The following STK36 variants were observed in gnomAD, a reference collection of about 807,000 sequenced individuals.
The protein encoded by STK36 is serine/threonine-protein kinase 36.
Under a neutral mutation model 142.2 loss-of-function variants are expected in STK36, and 116 were observed. That is an observed-to-expected ratio of 0.82 (90% confidence interval 0.70 to 0.95). The LOEUF is 0.95. Among genes scored for constraint, STK36 ranks in the 40% least tolerant of loss-of-function variants. The pLI, the probability that STK36 is intolerant of heterozygous loss-of-function variation, is 0.00. For missense variants in STK36, 1,422 were observed against 1,617.2 expected (o/e 0.88, Z 2.07); for synonymous variants, 619 against 641.7 (o/e 0.96, Z 0.53).
At position 218,676,186 on chromosome 2, in the gene STK36, C is replaced by A. The variant is rs375511099; in HGVS notation, c.592C>A (p.Pro198Thr). 2.5e-5 allele frequency: 40 copies of A among 1,614,004 alleles called. No individual in the cohort carries two copies. The highest frequency in any genetic ancestry group is 3.1e-5 in the Non-Finnish European group (36 of 1,180,038). Residue 198 changes from proline (P) to threonine (T), a missense_variant, in exon 6 of 27, where the codon CCT (proline) becomes ACT (threonine). Coordinates refer to ENST00000295709, the MANE Select transcript of STK36 (RefSeq NM_015690.5). ...ACTATATGAACTGGCAGTAGGCACC[C>A]CTCCCTTCTATGCTACAAGCATCTT... The part of the protein sequence containing the change: ...CILYELAVGT[P>T]PFYATSIFQL...
chr2:218,701,734 A>G lies in STK36; in HGVS notation c.3805-132A>G, dbSNP rs1941447082. 9.4e-6 allele frequency: 10 copies of G among 1,067,872 alleles called. No individual in the cohort carries two copies. The Admixed American group carries it at 2.6e-4, about 28-fold the overall frequency. The allele number at this position is 1,067,872 out of a possible 1,614,324, so 66.1% of individuals were successfully genotyped here. On this transcript the variant is annotated intron_variant, in intron 26 of 26. Coordinates refer to ENST00000295709, the MANE Select transcript of STK36 (RefSeq NM_015690.5). Reference sequence around the variant, plus strand: ...CCATTCAGTCTATTCCAAGTCCCCAAGAGCCCATTTCCTTTTTCTTCCTCT... The same window carrying G: ...CCATTCAGTCTATTCCAAGTCCCCAGGAGCCCATTTCCTTTTTCTTCCTCT...
rs774871480 is a variant in STK36 at position 218,698,633 on chromosome 2, T to C, written c.3089T>C (p.Val1030Ala). ...TGCTACCATCTTCCGTTGATGCAAG[T>C]GGAGCTGCCCATCAGCCTTCTCACA... ...VCCYHLPLMQVELPISLLTRL... is the reference protein window; with the variant it reads ...VCCYHLPLMQAELPISLLTRL... The change falls in exon 26 of 27, where the codon GTG becomes GCG. Residue 1030 changes from valine to alanine, a missense_variant. Around this residue, in one of 2 missense-constraint regions of STK36, gnomAD observed 962 missense variants for 1,167.5 expected, o/e 0.82. Coordinates refer to ENST00000295709, the MANE Select transcript of STK36 (RefSeq NM_015690.5). 20 of 1,614,114 alleles carry C rather than the reference T, an allele frequency of 1.2e-5. No homozygotes were observed. Among genetic ancestry groups the C allele is most frequent in the Admixed American group, 1.7e-5 (1 of 60,024 alleles).
intron 6 of STK36, 27 bp from the exon 7 acceptor site, chr2:218,679,141 C>A: frequency 6.2e-7 from 1 of 1,605,288 alleles, no homozygotes; most frequent in Non-Finnish European, 8.5e-7. Context: ...GAAAGAATGA[C>A]TGATGGAATA....
chr2:218,700,254 A>G (rs1333342592), intron 26 of STK36, among the ~76,000 whole-genome samples: 1 of 151,988 alleles, frequency 6.6e-6, no homozygotes, highest in African/African-American at 2.4e-5. Flanking sequence ...CCCAGGCCAG[A>G]ATACAGTGGC....
chr2:218,675,203 CTAAG>C, intron 4 of STK36, 136 bp from the exon 5 acceptor site: 1 of 902,994 alleles, frequency 1.1e-6, no homozygotes, highest in East Asian at 2.7e-5. Context: ...GGAACAATAA[CTAAG>C]AAAGAATAGT....
chr2:218,675,241 G>A, intron 4 of STK36, 102 bp from the exon 5 acceptor site: 1 of 1,278,774 alleles, frequency 7.8e-7, no homozygotes, highest in Non-Finnish European at 1.1e-6. Context: ...AGAAAGGGAA[G>A]GAAGAAAAGA....
chr2:218,685,567 A>G (rs1486068398), intron 11 of STK36, among the ~76,000 whole-genome samples: 2 of 152,228 alleles, frequency 1.3e-5, no homozygotes, highest in Admixed American at 1.3e-4. Context: ...TTTATTGATG[A>G]AATTAAAAAT....
Position 218,697,228 on chromosome 2 carries a change from G to A in STK36, c.2761+15G>A, listed in dbSNP as rs749712713. ...TTCTCCCCAGGGTATCTTTCTATCA[G>A]TATCCTTTTTGGGAGTGCATTGATC... On this transcript the variant is annotated intron_variant, in intron 23 of 26. Transcript: ENST00000295709. The A allele has an allele frequency of 9.3e-6, 15 of 1,606,666 alleles. No individual in the cohort carries two copies. Among genetic ancestry groups the A allele is most frequent in the Non-Finnish European group, 1.7e-6 (2 of 1,177,012 alleles).
chr2:218,688,658 A>T (rs1432978254), intron 11 of STK36, 39 bp from the exon 12 acceptor site: 1 of 1,593,464 alleles, frequency 6.3e-7, no homozygotes, highest in African/African-American at 1.4e-5. Context: ...TTTACCTCTG[A>T]AAATATCAAT....
intron 10 of STK36, among the ~76,000 whole-genome samples, chr2:218,682,083 A>G (rs1041227515): frequency 6.6e-6 from 1 of 152,126 alleles, no homozygotes; most frequent in African/African-American, 2.4e-5. Flanking sequence ...ATGTGCCATC[A>G]TGCCCAGCTA....
chr2:218,682,172 C>T (rs1414775908), intron 10 of STK36, among the ~76,000 whole-genome samples: 1 of 152,180 alleles, frequency 6.6e-6, no homozygotes, highest in Non-Finnish European at 1.5e-5. Flanking sequence ...GGTGATCTGC[C>T]TGCCTCGGCC....
intron 11 of STK36, chr2:218,688,372 C>T (rs1160757882): frequency 9.8e-6 from 5 of 508,648 alleles, no homozygotes; most frequent in South Asian, 4.6e-5. Flanking sequence ...GTGCGGTGCA[C>T]GTGTTTTTTG....
Position 218,679,255 on chromosome 2 carries a change from G to A in STK36, c.772G>A (p.Val258Ile), listed in dbSNP as rs1940392901. The change falls in exon 7 of 27, where the codon GTC becomes ATC. Residue 258 changes from valine (V) to isoleucine (I), a missense_variant. Physicochemically the swap from Val to Ile is conservative, Grantham distance 29 (BLOSUM62 3). Around this residue, in one of 2 missense-constraint regions of STK36, gnomAD observed 460 missense variants for 449.6 expected, o/e 1.02. Transcript: ENST00000295709. ...ATATCACCCCTTTATTGCTGGTCAT[G>A]TCACCAGTGAGTCATCAGGGTTCCC... ...LLYHPFIAGH[V>I]TIITEPAGPD... The A allele has an allele frequency of 6.2e-7, 1 of 1,613,998 alleles. No individual in the cohort carries two copies. The highest frequency in any genetic ancestry group is 1.7e-5 in the Admixed American group (1 of 59,996).
intron 26 of STK36, among the ~76,000 whole-genome samples, chr2:218,700,207 C>T (rs1941392813): frequency 2.0e-5 from 3 of 151,806 alleles, no homozygotes; most frequent in Admixed American, 2.0e-4. Context: ...AGGCGTGAGC[C>T]ACTCTTTTTT....
At chr2:218,689,298 A>G (rs1940903534) in intron 12 of STK36, among the ~76,000 whole-genome samples, 1 of 152,220 alleles carries the variant, frequency 6.6e-6, no homozygotes, top group Admixed American at 6.5e-5. Context: ...GAAATGTTAG[A>G]TCCTAGGCTT....
chr2:218,673,042 T>C (rs760870635), intron 2 of STK36, 129 bp downstream of exon 2: 2 of 798,030 alleles, frequency 2.5e-6, no homozygotes, highest in Non-Finnish European at 2.0e-6. Flanking sequence ...ATACTTCTTA[T>C]GGAGTATAAG....
chr2:218,682,035 C>T (rs555295076), intron 10 of STK36, among the ~76,000 whole-genome samples: 1 of 152,144 alleles, frequency 6.6e-6, no homozygotes, highest in Non-Finnish European at 1.5e-5. Context: ...TCAAGCGATT[C>T]TCCTGCCTCA....
chr2:218,697,388 C>A, intron 23 of STK36, 75 bp from the exon 24 acceptor site: 2 of 1,580,742 alleles, frequency 1.3e-6, no homozygotes, highest in Non-Finnish European at 1.7e-6. Context: ...AGGTGTAGCC[C>A]TGGGAGCTGT....
intron 11 of STK36, chr2:218,688,327 G>C: frequency 2.1e-6 from 1 of 467,366 alleles, no homozygotes; most frequent in Non-Finnish European, 4.3e-6. Context: ...AAATAATATT[G>C]TTTTATATGC....
Sources: allele counts gnomAD v4.1 joint callset (sites outside exome capture counted in the v4.1 genomes callset), GRCh38; gene constraint gnomAD v4.1.1; regional missense constraint gnomAD v4.1.1; transcripts MANE v1.5; gene names NCBI Gene and HGNC (gene_info 2026-07-23, HGNC 2026-07-21).